The following DSCAM variants were observed in gnomAD, a reference collection of about 807,000 sequenced individuals.
The protein encoded by DSCAM is DS cell adhesion molecule, also known as cell adhesion molecule DSCAM.
DSCAM carries 47 observed loss-of-function variants against 217.7 expected under a neutral mutation model. That is an observed-to-expected ratio of 0.22 (90% confidence interval 0.17 to 0.28). The LOEUF (loss-of-function observed/expected upper bound fraction) is 0.28. DSCAM is among the 10% of genes least tolerant of loss of function. The pLI is 1.00. For missense variants in DSCAM, 2,080 were observed against 2,618.3 expected (o/e 0.79, Z 4.49); for synonymous variants, 1,056 against 1,015.3 (o/e 1.04, Z -0.76).
chr21:40,015,519 T>A (rs2088142192), intron 32 of DSCAM, among the ~76,000 whole-genome samples: 1 of 151,702 alleles, frequency 6.6e-6, no homozygotes, highest in African/African-American at 2.4e-5. Flanking sequence ...AGCCTCAAAC[T>A]CCTGGGCTCA....
intron 2 of DSCAM, among the ~76,000 whole-genome samples, chr21:40,695,497 G>A (rs532796558): frequency 1.2e-4 from 18 of 152,210 alleles, no homozygotes; most frequent in African/African-American, 3.9e-4. Flanking sequence ...CAACCTCCAG[G>A]TCAGTCCCAA....
intron 27 of DSCAM, among the ~76,000 whole-genome samples, chr21:40,072,158 A>C (rs1398304232): frequency 3.9e-5 from 6 of 152,186 alleles, no homozygotes; most frequent in Non-Finnish European, 8.8e-5. Flanking sequence ...TCTTGTGATC[A>C]AATAGAAATG....
chr21:40,463,607 C>T (rs1291572153), intron 3 of DSCAM, among the ~76,000 whole-genome samples: 1 of 152,182 alleles, frequency 6.6e-6, no homozygotes, highest in Non-Finnish European at 1.5e-5. Context: ...TAGGCTGCTG[C>T]TCTTCCTGAC....
chr21:40,691,872 T>G (rs962206338), intron 3 of DSCAM, among the ~76,000 whole-genome samples: 1 of 152,222 alleles, frequency 6.6e-6, no homozygotes, highest in African/African-American at 2.4e-5. Flanking sequence ...CCTCTCTAGC[T>G]AATCAATAAG....
At chr21:40,741,949 CAAGA>C (rs1399019346) in intron 1 of DSCAM, among the ~76,000 whole-genome samples, 1 of 152,032 alleles carries the variant, frequency 6.6e-6, no homozygotes, top group Admixed American at 6.5e-5. Flanking sequence ...GCTGAGAATA[CAAGA>C]TAGATAGAGA....
chr21:40,452,924 A>T (rs2075732022), intron 3 of DSCAM, among the ~76,000 whole-genome samples: 1 of 152,132 alleles, frequency 6.6e-6, no homozygotes, highest in Non-Finnish European at 1.5e-5. Flanking sequence ...ATAATTAGGT[A>T]ATTCCATATT....
chr21:40,014,429 C>T (rs1414863819), intron 32 of DSCAM, among the ~76,000 whole-genome samples: 1 of 151,904 alleles, frequency 6.6e-6, no homozygotes, highest in African/African-American at 2.4e-5. Flanking sequence ...AAAACCCAAA[C>T]CAAAACAAAA....
chr21:40,593,831 T>G (rs2077001416), intron 3 of DSCAM, among the ~76,000 whole-genome samples: 1 of 152,198 alleles, frequency 6.6e-6, no homozygotes, highest in Non-Finnish European at 1.5e-5. Context: ...TTTCTGATGT[T>G]CATCAGTAAG....
rs537735961 is a variant in DSCAM, at chr21:40,293,968, T to C, written c.2182+2087A>G. On this transcript the variant is annotated intron_variant, in intron 10 of 32. Transcript: ENST00000400454. ...ATAATGTGTATCTATGGGTATGCAA[T>C]TGCTTGGGGACAGGACTGACAGTCT... Among the ~76,000 whole-genome samples the C allele has an allele frequency of 5.9e-5, 9 of 152,330 alleles. No homozygotes were observed. The South Asian group carries it at 1.9e-3, about 32-fold the overall frequency.
At position 40,187,065 on chromosome 21, in the gene DSCAM, T is replaced by G. The variant is rs571739539; in HGVS notation, c.2779+66A>C. The G allele has an allele frequency of 3.1e-5, 50 of 1,590,768 alleles. No homozygotes were observed. In the African/African-American group the frequency reaches 6.6e-4, roughly 21 times the overall value. ...CTGTGCGCTTACAGGTAAAACACAT[T>G]AATAAGGAGAAAAATAAAAGAACTT... On this transcript the variant is annotated intron_variant, in intron 14 of 32. Transcript: ENST00000400454.
chr21:40,418,537 C>T (rs1385833271), intron 3 of DSCAM, among the ~76,000 whole-genome samples: 5 of 152,026 alleles, frequency 3.3e-5, no homozygotes, highest in African/African-American at 1.2e-4. Context: ...GTTTTACTGG[C>T]AATCAAAGCA....
intron 8 of DSCAM, among the ~76,000 whole-genome samples, chr21:40,315,236 T>TA (rs1250069376): frequency 2.0e-5 from 3 of 147,918 alleles, no homozygotes; most frequent in African/African-American, 7.8e-5. Context: ...TTGTTTCTAC[T>TA]AAAAATAAAA....
intron 3 of DSCAM, among the ~76,000 whole-genome samples, chr21:40,547,314 A>G (rs992347476): frequency 5.3e-5 from 8 of 152,156 alleles, no homozygotes. Context: ...TGACTGAGGG[A>G]AACACAAAAT....
At chr21:40,769,320 A>T (rs1013712077) in intron 1 of DSCAM, among the ~76,000 whole-genome samples, 2 of 152,320 alleles carry the variant, frequency 1.3e-5, no homozygotes. Context: ...CCATTTAGGG[A>T]ATGTGGGAGC....
At chr21:40,160,264 A>G (rs902335744) in intron 16 of DSCAM, among the ~76,000 whole-genome samples, 3 of 152,198 alleles carry the variant, frequency 2.0e-5, no homozygotes, top group African/African-American at 7.2e-5. Context: ...CAAGTGACTT[A>G]AGGTCATTTT....
chr21:40,601,598 G>T (rs745971416), intron 3 of DSCAM, among the ~76,000 whole-genome samples: 1 of 152,166 alleles, frequency 6.6e-6, no homozygotes, highest in Non-Finnish European at 1.5e-5. Context: ...CAATCTTAGA[G>T]GGAAGAAACT....
At chr21:40,130,578 T>C (rs2090144775) in intron 19 of DSCAM, among the ~76,000 whole-genome samples, 1 of 152,160 alleles carries the variant, frequency 6.6e-6, no homozygotes, top group Non-Finnish European at 1.5e-5. Flanking sequence ...TCCATGGCCC[T>C]GAGGCTCCGA....
chr21:40,407,210 A>G (rs2075286747), intron 3 of DSCAM, among the ~76,000 whole-genome samples: 1 of 152,228 alleles, frequency 6.6e-6, no homozygotes, highest in African/African-American at 2.4e-5. Context: ...TAGCTCAGTT[A>G]GAATAAATTG....
chr21:40,013,432 A>C (rs927432109), intron 32 of DSCAM, 46 bp from the exon 33 acceptor site: 7 of 1,403,304 alleles, frequency 5.0e-6, no homozygotes, highest in Non-Finnish European at 6.7e-6. Flanking sequence ...CATTTGGTAA[A>C]CATGGGCAGA....
Sources: allele counts gnomAD v4.1 joint callset (sites outside exome capture counted in the v4.1 genomes callset), GRCh38; gene constraint gnomAD v4.1.1; transcripts MANE v1.5; gene names NCBI Gene and HGNC (gene_info 2026-07-23, HGNC 2026-07-21).